CACNA1C: variants seen among roughly 807,000 people sequenced by gnomAD.
CACNA1C encodes the protein calcium voltage-gated channel subunit alpha1 C.
CACNA1C carries 30 observed loss-of-function variants against 229.0 expected under a neutral mutation model. The observed-to-expected ratio is 0.13, with a 90% CI of 0.10 to 0.18. CACNA1C has a LOEUF of 0.18. Among genes scored for constraint, CACNA1C ranks in the 10% least tolerant of loss-of-function variants. The pLI is 1.00. For synonymous variants in CACNA1C, 1,114 were observed against 1,132.5 expected, an observed-to-expected ratio of 0.98 and a Z score of 0.33; for missense variants, 1,658 against 2,845.0, an observed-to-expected ratio of 0.58 and a Z score of 9.49.
At chr12:2,360,177 C>CCCCTACCCCA (rs2097523448) in intron 3 of CACNA1C, among the ~76,000 whole-genome samples, 1 of 117,530 alleles carries the variant, frequency 8.5e-6, no homozygotes, top group Non-Finnish European at 1.7e-5. Context: ...CCCCCCCACC[C>CCCCTACCCCA]CACACACACA....
At chr12:2,344,667 C>T (rs1431294579) in intron 3 of CACNA1C, among the ~76,000 whole-genome samples, 2 of 152,090 alleles carry the variant, frequency 1.3e-5, no homozygotes, top group East Asian at 3.9e-4. Context: ...CAGCACACCT[C>T]ACTCCCAGAT....
At chr12:2,683,873 G>T (rs1167417204) in intron 43 of CACNA1C, among the ~76,000 whole-genome samples, 1 of 152,220 alleles carries the variant, frequency 6.6e-6, no homozygotes, top group Non-Finnish European at 1.5e-5. Flanking sequence ...TCTCAGCCCC[G>T]CCAGGGAACC....
At chr12:2,284,293 ATTTT>A (rs35238168) in intron 3 of CACNA1C, among the ~76,000 whole-genome samples, 4 of 139,850 alleles carry the variant, frequency 2.9e-5, no homozygotes, top group East Asian at 2.1e-4. Flanking sequence ...AGACCTCTAG[ATTTT>A]TTTTTTTTTT....
intron 1 of CACNA1C, among the ~76,000 whole-genome samples, chr12:1,990,243 A>G (rs2039011285): frequency 6.6e-6 from 1 of 152,252 alleles, no homozygotes; most frequent in South Asian, 2.1e-4. Context: ...AAACCTGAAC[A>G]TAGTGTTTGG....
chr12:2,092,105 A>G, intron 1 of CACNA1C, among the ~76,000 whole-genome samples: 1 of 152,142 alleles, frequency 6.6e-6, no homozygotes, highest in East Asian at 1.9e-4. Flanking sequence ...GTAGAAGAGG[A>G]AAGTTATATG....
intron 3 of CACNA1C, among the ~76,000 whole-genome samples, chr12:2,170,300 A>T (rs1360446849): frequency 6.6e-6 from 1 of 152,238 alleles, no homozygotes; most frequent in South Asian, 2.1e-4. Flanking sequence ...AAAAAGGGGG[A>T]TAAGCCCTCT....
Position 2,474,405 on chromosome 12 carries a change from A to AT in CACNA1C, c.758-11699_758-11698insT, listed in dbSNP as rs542149229. Among the ~76,000 whole-genome samples the AT allele has an allele frequency of 8.9e-4, 135 of 152,260 alleles. 1 individual carries two copies. Among genetic ancestry groups the AT allele is most frequent in the African/African-American group, 3.1e-3 (127 of 41,542 alleles). ...CAAAACCCAGTTGTCTGGTTCTGGGAGTGAGTGTGGCAGGAAAAGCTACAG... is the reference window on the plus strand; with the variant it reads ...CAAAACCCAGTTGTCTGGTTCTGGGATGTGAGTGTGGCAGGAAAAGCTACAG... On this transcript the variant is annotated intron_variant, in intron 5 of 46. Transcript: ENST00000399655.
At chr12:2,542,055 G>T (rs1381564866) in intron 9 of CACNA1C, among the ~76,000 whole-genome samples, 2 of 152,198 alleles carry the variant, frequency 1.3e-5, no homozygotes, top group Admixed American at 6.5e-5. Flanking sequence ...AGGGAGGAAG[G>T]AAACGAGAGT....
chr12:2,613,424 G>A (rs1461444447), intron 29 of CACNA1C: 1 of 152,192 alleles, frequency 6.6e-6, no homozygotes, highest in Non-Finnish European at 1.5e-5. Context: ...CCCATGTCAA[G>A]TGTTCTGCGG....
At chr12:2,418,402 T>G (rs2098938411) in intron 3 of CACNA1C, among the ~76,000 whole-genome samples, 2 of 152,080 alleles carry the variant, frequency 1.3e-5, no homozygotes, top group African/African-American at 4.8e-5. Flanking sequence ...GTCCTGAGAG[T>G]AGGTTTTAGT....
chr12:2,586,114 G>T (rs972244884), intron 18 of CACNA1C, among the ~76,000 whole-genome samples: 4 of 152,180 alleles, frequency 2.6e-5, no homozygotes, highest in Non-Finnish European at 5.9e-5. Context: ...CTCATAATGA[G>T]ATCACATTTG....
Position 2,597,397 on chromosome 12 carries a change from C to A in CACNA1C, c.2853+108C>A. ...TGCTCCTTCCTGTTGGTGTGGGGTT[C>A]ACTCTCAGAGCCACTAATCCAATTA... On this transcript the variant is annotated intron_variant, in intron 21 of 46. Coordinates refer to ENST00000399655, the MANE Select transcript of CACNA1C (RefSeq NM_000719.7). This position sits in a 1 kb window ranked among gnomAD's most constrained non-coding sequence, Gnocchi z 4.3. 1 of 1,546,644 alleles carries A rather than the reference C, an allele frequency of 6.5e-7. No homozygotes were observed. The highest frequency in any genetic ancestry group is 8.9e-7 in the Non-Finnish European group (1 of 1,118,728).
intron 30 of CACNA1C, chr12:2,641,575 G>T (rs1328555246): frequency 2.0e-5 from 12 of 594,044 alleles, no homozygotes; most frequent in Non-Finnish European, 3.6e-5. Flanking sequence ...TCCCACTTTC[G>T]GCAACAGCCC....
chr12:2,270,606 C>G (rs2084495510), intron 3 of CACNA1C, among the ~76,000 whole-genome samples: 2 of 152,202 alleles, frequency 1.3e-5, no homozygotes, highest in Non-Finnish European at 2.9e-5. Context: ...ATAGAGAGCC[C>G]ACGGCCATGC....
chr12:2,620,031 A>G (rs2082471650), intron 29 of CACNA1C, among the ~76,000 whole-genome samples: 1 of 152,206 alleles, frequency 6.6e-6, no homozygotes, highest in Non-Finnish European at 1.5e-5. Flanking sequence ...ATCAAGTAAC[A>G]TTTAGAAGCA....
rs755621352 is a variant in CACNA1C at position 2,665,686 on chromosome 12, G to A, written c.4504G>A (p.Ala1502Thr). Residue 1502 changes from alanine (A) to threonine (T), a missense_variant, in exon 36 of 47, where the codon GCA becomes ACA. Around this residue, in one of 20 missense-constraint regions of CACNA1C, gnomAD observed 151 missense variants for 344.4 expected, o/e 0.44. Coordinates refer to ENST00000399655, the MANE Select transcript of CACNA1C (RefSeq NM_000719.7). This position sits in a 1 kb window ranked among gnomAD's most constrained non-coding sequence, Gnocchi z 5.9. The part of the protein sequence containing the change: ...HHLDEFKRIW[A>T]EYDPEAKGRI... ...CCTGGATGAGTTTAAAAGAATCTGG[G>A]CAGAGTATGACCCTGAAGCCAAGTA... 5 of 1,613,378 alleles carry A rather than the reference G, an allele frequency of 3.1e-6. 1 individual carries two copies. The South Asian group carries it at 5.5e-5, about 18-fold the overall frequency.
At chr12:2,635,729 C>T (rs2092491800) in intron 30 of CACNA1C, among the ~76,000 whole-genome samples, 1 of 152,144 alleles carries the variant, frequency 6.6e-6, no homozygotes, top group African/African-American at 2.4e-5. Context: ...CCCTGCTCAC[C>T]CTATAGCTCC....
chr12:2,034,236 G>C lies in CACNA1C; in HGVS notation c.139+63035G>C, dbSNP rs2048714912. On this transcript the variant is annotated intron_variant, in intron 1 of 46. Transcript: ENST00000682462. The surrounding 1 kb of genome is among the most constrained non-coding windows in gnomAD (Gnocchi z 4.1). ...AAACTCACATGCTTAGTGTGGGAAA[G>C]TTAAGATTTTGCCACATCCAAGTCC... Among the ~76,000 whole-genome samples, 1 of 152,218 alleles carries C rather than the reference G, an allele frequency of 6.6e-6. No homozygotes were observed. Among genetic ancestry groups the C allele is most frequent in the Non-Finnish European group, 1.5e-5 (1 of 68,040 alleles).
intron 3 of CACNA1C, among the ~76,000 whole-genome samples, chr12:2,156,426 G>A (rs2095557742): frequency 6.6e-6 from 1 of 152,184 alleles, no homozygotes; most frequent in African/African-American, 2.4e-5. Flanking sequence ...GTTAAAAAAT[G>A]CATAAACCAC....
Sources: allele counts gnomAD v4.1 joint callset (sites outside exome capture counted in the v4.1 genomes callset), GRCh38; gene constraint gnomAD v4.1.1; regional missense constraint gnomAD v4.1.1; non-coding constraint Gnocchi (gnomAD v3.1); transcripts MANE v1.5; gene names NCBI Gene and HGNC (gene_info 2026-07-23, HGNC 2026-07-21).